PCF11: variants seen among roughly 807,000 people sequenced by gnomAD.
The protein encoded by PCF11 is PCF11 cleavage and polyadenylation factor subunit, also known as pre-mRNA cleavage complex 2 protein Pcf11.
Under a neutral mutation model 166.1 loss-of-function variants are expected in PCF11, and 19 were observed. That is an observed-to-expected ratio of 0.11 (90% confidence interval 0.08 to 0.17). PCF11 has a LOEUF of 0.17. Ranked by LOEUF, PCF11 falls within the 10% of genes least tolerant of loss-of-function variation. PCF11 has a pLI of 1.00. For synonymous variants in PCF11, 663 were observed against 644.1 expected (o/e 1.03, Z -0.44); for missense variants, 1,565 against 1,855.5 (o/e 0.84, Z 2.88).
chr11:83,167,520 A>G lies in PCF11; in HGVS notation c.2092+15A>G, dbSNP rs1860513139. 6.2e-7 allele frequency: 1 copy of G among 1,609,510 alleles called. No homozygotes were observed. The highest frequency in any genetic ancestry group is 8.5e-7 in the Non-Finnish European group (1 of 1,177,714). ...GTATCAAGAAGGTAAACATAGATGC[A>G]ATGTACGGGATAGTCCTACAGAAGA... On this transcript the variant is annotated intron_variant, in intron 7 of 15. Transcript: ENST00000298281. This position sits in a 1 kb window ranked among gnomAD's most constrained non-coding sequence, Gnocchi z 4.2.
intron 4 of PCF11, among the ~76,000 whole-genome samples, chr11:83,165,149 C>G (rs1860400580): frequency 6.6e-6 from 1 of 152,176 alleles, no homozygotes; most frequent in African/African-American, 2.4e-5. Flanking sequence ...TGCTTAGCAT[C>G]TGAGCTTATT....
At chr11:83,166,161 A>G in exon 5 of PCF11, 1 of 1,607,474 alleles carries the variant, frequency 6.2e-7, no homozygotes, top group Non-Finnish European at 8.5e-7. Context: ...TGTGAAAGAG[A>G]AGAGAAAAAC....
At chr11:83,169,351 A>G in exon 8 of PCF11, 14 of 1,613,618 alleles carry the variant, frequency 8.7e-6, no homozygotes, top group Non-Finnish European at 1.1e-5. Flanking sequence ...AGGAGGTGGA[A>G]TGAGGTTTGA....
exon 1 of PCF11, chr11:83,157,149 G>T (rs1476506838): frequency 7.0e-6 from 4 of 568,956 alleles, no homozygotes; most frequent in Non-Finnish European, 1.3e-5. Context: ...CAGCGGTTGG[G>T]AACACAGACA....
intron 15 of PCF11, among the ~76,000 whole-genome samples, 199 bp downstream of exon 15, chr11:83,183,272 C>T (rs141952816): frequency 4.2e-4 from 64 of 152,206 alleles, no homozygotes; most frequent in African/African-American, 1.5e-3. Flanking sequence ...ATATCATTTT[C>T]TGTGATAACG....
At chr11:83,165,980 TTCTAAA>T (rs1860437187) in exon 5 of PCF11, 4 of 1,598,664 alleles carry the variant, frequency 2.5e-6, no homozygotes, top group South Asian at 1.1e-5. Context: ...ACCAATTAGA[TTCTAAA>T]TCGAAATCGA....
intron 9 of PCF11, 48 bp from the exon 10 acceptor site, chr11:83,177,036 AC>A: frequency 1.5e-6 from 2 of 1,339,738 alleles, no homozygotes; most frequent in Non-Finnish European, 1.9e-6. Flanking sequence ...TTTAAGTTCT[AC>A]ATTCACTTCA....
intron 1 of PCF11, among the ~76,000 whole-genome samples, chr11:83,160,183 G>C (rs556326559): frequency 1.3e-3 from 195 of 152,204 alleles, no homozygotes; most frequent in Non-Finnish European, 2.1e-3. Flanking sequence ...ACTTGTATGG[G>C]CAATTGGTTT....
chr11:83,161,243 G>A (rs756361485), intron 1 of PCF11, 84 bp from the exon 2 acceptor site: 1 of 1,060,098 alleles, frequency 9.4e-7, no homozygotes, highest in African/African-American at 1.6e-5. Flanking sequence ...ATAGAGGTCT[G>A]TATTGTAGGT....
rs776878827 is a variant in PCF11, at chr11:83,168,628, C to T, written c.2293C>T (p.Pro765Ser). 8.1e-6 allele frequency: 13 copies of T among 1,613,716 alleles called. No homozygotes were observed. In the Admixed American group the frequency reaches 2.2e-4, roughly 27 times the overall value. Residue 765 changes from proline (P) to serine (S), a missense_variant, in exon 8 of 16, where the codon CCA becomes TCA. Physicochemically the swap from Pro to Ser is moderately conservative, Grantham distance 74. Around this residue, in one of 12 missense-constraint regions of PCF11, gnomAD observed 725 missense variants for 749.3 expected, o/e 0.97. Transcript: ENST00000298281. ...TAGGCCATCAGTAGCAAGAGATGGC[C>T]CAACGAAGATGATTTTTGAAGGACC...
At chr11:83,168,773 T>A in exon 8 of PCF11, 1 of 1,613,666 alleles carries the variant, frequency 6.2e-7, no homozygotes, top group South Asian at 1.1e-5. Flanking sequence ...CAAGGTCAGC[T>A]AGGAGGTGGG....
chr11:83,179,794 G>A (rs902443380), intron 11 of PCF11, among the ~76,000 whole-genome samples: 1 of 151,878 alleles, frequency 6.6e-6, no homozygotes, highest in Non-Finnish European at 1.5e-5. Flanking sequence ...GTGGGCACTT[G>A]TAATCCCAGC....
chr11:83,167,182 G>C lies in PCF11; in HGVS notation c.1875G>C (p.Trp625Cys), dbSNP rs760440173. The C allele has an allele frequency of 8.1e-6, 13 of 1,613,544 alleles. No individual in the cohort carries two copies. The highest frequency in any genetic ancestry group is 1.1e-5 in the Non-Finnish European group (13 of 1,179,678). Residue 625 changes from tryptophan (W) to cysteine (C), a missense_variant, in exon 6 of 16, where the codon TGG becomes TGC. Coordinates refer to ENST00000298281, the Ensembl canonical transcript of PCF11. The surrounding 1 kb of genome is among the most constrained non-coding windows in gnomAD (Gnocchi z 4.2). ...CTCATCTGAGGCATAGGGAGAGCTG[G>C]TCAAGCACTAAAGGAATTTTATCAC... is the stretch of plus-strand genomic sequence containing the variant.
intron 1 of PCF11, 126 bp downstream of exon 1, chr11:83,157,757 C>T (rs1433060483): frequency 2.4e-6 from 2 of 850,736 alleles, no homozygotes; most frequent in South Asian, 3.2e-5. Flanking sequence ...CCCCACCCCC[C>T]TCCAACTCAG....
chr11:83,159,183 AGT>A (rs1860128766), intron 1 of PCF11, among the ~76,000 whole-genome samples: 1 of 152,180 alleles, frequency 6.6e-6, no homozygotes, highest in Non-Finnish European at 1.5e-5. Flanking sequence ...TTCCTGTGAA[AGT>A]GTATGTAAAA....
At chr11:83,172,484 G>A (rs1410260149) in intron 9 of PCF11, among the ~76,000 whole-genome samples, 1 of 152,094 alleles carries the variant, frequency 6.6e-6, no homozygotes, top group Non-Finnish European at 1.5e-5. Flanking sequence ...GTGCAGTAGT[G>A]TCATATTGCC....
At chr11:83,163,621 A>G in intron 2 of PCF11, 58 bp from the exon 3 acceptor site, 1 of 560,628 alleles carries the variant, frequency 1.8e-6, no homozygotes. Context: ...ACTTATATTT[A>G]ATATATAAAA....
At position 83,181,603 on chromosome 11, in the gene PCF11, TA is replaced by T. The variant is rs56993580; in HGVS notation, c.4168-240del. Reference sequence around the variant, plus strand: ...TCCCAGGCTCTAGGACTGTTTTTTGTAAAAAAAAAAATATACTTGAAGCTTG... The same window carrying T: ...TCCCAGGCTCTAGGACTGTTTTTTGTAAAAAAAAAATATACTTGAAGCTTG... On this transcript the variant is annotated intron_variant, in intron 12 of 15. Coordinates refer to ENST00000298281, the Ensembl canonical transcript of PCF11. Among the ~76,000 whole-genome samples the T allele has an allele frequency of 3.0e-3, 436 of 146,700 alleles. 2 individuals are homozygous for T. Among genetic ancestry groups the T allele is most frequent in the South Asian group, 0.012 (56 of 4,702 alleles).
intron 2 of PCF11, among the ~76,000 whole-genome samples, chr11:83,162,379 C>T (rs1424741419): frequency 1.3e-5 from 2 of 152,152 alleles, no homozygotes; most frequent in African/African-American, 4.8e-5. Flanking sequence ...TAAGTAGTTG[C>T]TATTTGAGAA....
Sources: gnomAD v4.1 joint callset for allele counts (sites outside exome capture counted in the v4.1 genomes callset) on GRCh38, gnomAD v4.1.1 for gene constraint, gnomAD v4.1.1 regional missense constraint, Gnocchi (gnomAD v3.1) non-coding constraint, MANE v1.5 for transcripts, NCBI Gene and HGNC (gene_info 2026-07-23, HGNC 2026-07-21) for gene names.